ITGA9: variants seen among roughly 807,000 people sequenced by gnomAD.
The protein encoded by ITGA9 is integrin subunit alpha 9, also known as integrin alpha-9.
ITGA9 carries 56 observed loss-of-function variants against 127.8 expected under a neutral mutation model. The observed-to-expected ratio is 0.44, with a 90% CI of 0.35 to 0.55. The LOEUF (loss-of-function observed/expected upper bound fraction) is 0.55, where lower values mean the gene tolerates loss of function less well. ITGA9 is among the 20% of genes least tolerant of loss of function. ITGA9 has a pLI of 0.00. For missense variants in ITGA9, 1,196 were observed against 1,347.1 expected (o/e 0.89, Z 1.76); for synonymous variants, 508 against 514.5 (o/e 0.99, Z 0.17).
chr3:37,753,017 C>T (rs1696607872), intron 23 of ITGA9, among the ~76,000 whole-genome samples: 1 of 152,184 alleles, frequency 6.6e-6, no homozygotes, highest in Non-Finnish European at 1.5e-5. Flanking sequence ...TATCAATTTT[C>T]ACTGCTTCCC....
In ITGA9 at chr3:37,508,606, C is replaced by A. The variant is rs748652164; in HGVS notation, c.876C>A (p.Ile292=). ...GAAGATCAGGCACCTTAATTAAGAT[C>A]TTTCAAGCATCAGGTAAAAAGGTGA... ...ADRRSGTLIK[I]FQASGKKMGS... Residue 292 remains isoleucine (I), a synonymous_variant, in exon 8 of 28, where the codon ATC becomes ATA. Transcript: ENST00000264741. 3 of 1,613,238 alleles carry A rather than the reference C, an allele frequency of 1.9e-6. No individual in the cohort carries two copies. The highest frequency in any genetic ancestry group is 1.3e-5 in the African/African-American group (1 of 74,860).
At chr3:37,785,212 A>C (rs1697025339) in intron 26 of ITGA9, 134 bp downstream of exon 26, 1 of 722,974 alleles carries the variant, frequency 1.4e-6, no homozygotes, top group Admixed American at 2.0e-5. Flanking sequence ...ACCCAAGACT[A>C]TGCCTGCCTT....
At chr3:37,758,353 ATT>A (rs1696681534) in intron 23 of ITGA9, among the ~76,000 whole-genome samples, 2 of 142,124 alleles carry the variant, frequency 1.4e-5, no homozygotes, top group Non-Finnish European at 1.5e-5. Flanking sequence ...AAAAAAAAAA[ATT>A]GCAAATTGAT....
At chr3:37,734,879 A>G (rs1020280180) in intron 19 of ITGA9, among the ~76,000 whole-genome samples, 10 of 152,226 alleles carry the variant, frequency 6.6e-5, no homozygotes, top group African/African-American at 2.4e-4. Flanking sequence ...TTCCTCCCAC[A>G]TACAGATGCT....
chr3:37,729,429 C>T (rs1004589593), intron 18 of ITGA9, among the ~76,000 whole-genome samples: 29 of 152,062 alleles, frequency 1.9e-4, no homozygotes, highest in African/African-American at 7.0e-4. Context: ...AAGATCCAAC[C>T]AGAATTTTGA....
rs1430912955 is a variant in ITGA9 at position 37,452,429 on chromosome 3, G to C, written c.55G>C (p.Ala19Pro). Residue 19 changes from alanine (A) to proline (P), a missense_variant, in exon 1 of 28, where the codon GCG (alanine) becomes CCG (proline). By Grantham distance (27) the Ala-to-Pro change is conservative. Coordinates refer to ENST00000264741, the MANE Select transcript of ITGA9 (RefSeq NM_002207.3). This position sits in a 1 kb window ranked among gnomAD's most constrained non-coding sequence, Gnocchi z 7.3. Reference protein sequence around the residue: ...GAGRLRALLLALVVAGIPAGA... With the variant: ...GAGRLRALLLPLVVAGIPAGA... ...CGGGAGGCTCCGCGCGCTGCTGCTG[G>C]CGCTGGTGGTCGCGGGGATCCCCGC... The C allele has an allele frequency of 6.8e-7, 1 of 1,467,806 alleles. No individual in the cohort carries two copies. The highest frequency in any genetic ancestry group is 2.4e-5 in the Admixed American group (1 of 41,700). The allele number at this position is 1,467,806 out of a possible 1,614,324, so 90.9% of individuals were successfully genotyped here. A position where few individuals can be genotyped will look rare whatever the true frequency, so the allele number is the denominator to read the frequency against.
chr3:37,565,321 A>T (rs1029234547), intron 15 of ITGA9, among the ~76,000 whole-genome samples: 2 of 152,204 alleles, frequency 1.3e-5, no homozygotes, highest in Non-Finnish European at 2.9e-5. Flanking sequence ...GCAAGCACAC[A>T]TGCCTCCTAT....
At position 37,732,934 on chromosome 3, in the gene ITGA9, C is replaced by T. The variant is rs1696312093; in HGVS notation, c.2154+136C>T. The T allele has an allele frequency of 4.2e-6, 3 of 709,674 alleles. No homozygotes were observed. In the Admixed American group the frequency reaches 6.0e-5, roughly 14 times the overall value. The allele number at this position is 709,674 out of a possible 1,614,324, so 44.0% of individuals were successfully genotyped here. A position where few individuals can be genotyped will look rare whatever the true frequency, so the allele number is the denominator to read the frequency against. ...ATAGCAGCTGGGGCGGCCACTGAAG[C>T]CCTGACATGCTCCTGTCCCTGGCTG... On this transcript the variant is annotated intron_variant, in intron 19 of 27. Coordinates refer to ENST00000264741, the MANE Select transcript of ITGA9 (RefSeq NM_002207.3).
chr3:37,763,793 G>T (rs370672451), intron 23 of ITGA9, among the ~76,000 whole-genome samples: 2 of 152,144 alleles, frequency 1.3e-5, no homozygotes, highest in East Asian at 3.9e-4. Flanking sequence ...TATCTATGCT[G>T]CTCTTCCCCA....
intron 11 of ITGA9, among the ~76,000 whole-genome samples, chr3:37,519,615 G>A (rs897180335): frequency 2.0e-5 from 3 of 152,196 alleles, no homozygotes; most frequent in African/African-American, 7.2e-5. Context: ...CAGAGTTGGA[G>A]CCATTTATTT....
At chr3:37,534,141 G>A (rs542513413) in intron 14 of ITGA9, among the ~76,000 whole-genome samples, 2 of 152,322 alleles carry the variant, frequency 1.3e-5, no homozygotes, top group South Asian at 4.1e-4. Context: ...TTCAGAGCAC[G>A]TGATCACCTG....
At chr3:37,790,377 G>A (rs910507410) in intron 26 of ITGA9, 5 of 500,302 alleles carry the variant, frequency 1.0e-5, no homozygotes, top group African/African-American at 7.9e-5. Context: ...GCTTCATCTT[G>A]CTGATTTCCC....
intron 5 of ITGA9, among the ~76,000 whole-genome samples, chr3:37,499,462 C>T (rs1698766781): frequency 6.6e-6 from 1 of 152,212 alleles, no homozygotes; most frequent in Non-Finnish European, 1.5e-5. Flanking sequence ...GATGGGATTC[C>T]ACAAATGTGA....
intron 15 of ITGA9, among the ~76,000 whole-genome samples, chr3:37,590,799 G>T (rs2125614985): frequency 6.6e-6 from 1 of 152,258 alleles, no homozygotes. Context: ...GTGGCCTCTG[G>T]GTCAGAGGGC....
At chr3:37,748,766 A>AG in intron 22 of ITGA9, 1 of 638,210 alleles carries the variant, frequency 1.6e-6, no homozygotes, top group Non-Finnish European at 2.8e-6. Context: ...AAAAAAAAAA[A>AG]AGAAGGAAGC....
chr3:37,796,919 G>T (rs1176386701), intron 26 of ITGA9, among the ~76,000 whole-genome samples: 3 of 152,116 alleles, frequency 2.0e-5, no homozygotes, highest in Non-Finnish European at 4.4e-5. Flanking sequence ...GAGTGAGAAG[G>T]ACCTAGAACT....
chr3:37,721,209 A>G (rs181319971), intron 18 of ITGA9, among the ~76,000 whole-genome samples: 1 of 145,844 alleles, frequency 6.9e-6, no homozygotes, highest in East Asian at 2.0e-4. Flanking sequence ...GCAACCTTCA[A>G]TTCCTGGGCC....
At chr3:37,549,098 T>C (rs1699355408) in intron 15 of ITGA9, among the ~76,000 whole-genome samples, 1 of 152,032 alleles carries the variant, frequency 6.6e-6, no homozygotes, top group East Asian at 1.9e-4. Context: ...GCTCACTGAG[T>C]GTGGGTTGCC....
chr3:37,816,427 C>T (rs1362619590), intron 27 of ITGA9, among the ~76,000 whole-genome samples: 1 of 152,186 alleles, frequency 6.6e-6, no homozygotes, highest in Non-Finnish European at 1.5e-5. Context: ...CCTGTTACAT[C>T]CTTCCACAGT....
Sources: allele counts gnomAD v4.1 joint callset (sites outside exome capture counted in the v4.1 genomes callset), GRCh38; gene constraint gnomAD v4.1.1; non-coding constraint Gnocchi (gnomAD v3.1); transcripts MANE v1.5; gene names NCBI Gene and HGNC (gene_info 2026-07-23, HGNC 2026-07-21).